Variants in REPS1 observed in about 807,000 individuals in gnomAD.
The protein encoded by REPS1 is RALBP1 associated Eps domain containing 1.
In REPS1, 39 loss-of-function variants were observed where a neutral mutation model predicts 100.9. The ratio of observed to expected loss-of-function variants is 0.39; its 90% CI spans 0.30 to 0.50. The LOEUF (loss-of-function observed/expected upper bound fraction) is 0.50. Among genes scored for constraint, REPS1 ranks in the 20% least tolerant of loss-of-function variants. The pLI, the probability that REPS1 is intolerant of heterozygous loss-of-function variation, is 0.86. For synonymous variants in REPS1, 324 were observed against 340.3 expected (o/e 0.95, Z 0.53); for missense variants, 821 against 968.5 (o/e 0.85, Z 2.02).
intron 1 of REPS1, among the ~76,000 whole-genome samples, chr6:138,979,902 T>C (rs1784838885): frequency 6.6e-6 from 1 of 152,182 alleles, no homozygotes; most frequent in Non-Finnish European, 1.5e-5. Context: ...CTGACATCTC[T>C]AAGCCAAGTA....
chr6:138,909,289 A>C (rs1160729669), intron 17 of REPS1, among the ~76,000 whole-genome samples: 4 of 152,226 alleles, frequency 2.6e-5, no homozygotes, highest in African/African-American at 9.6e-5. Context: ...TATGCACAGT[A>C]ATTATAACTT....
intron 17 of REPS1, among the ~76,000 whole-genome samples, chr6:138,909,583 C>T (rs1335922654): frequency 3.3e-5 from 5 of 152,108 alleles, no homozygotes; most frequent in African/African-American, 4.8e-5. Flanking sequence ...CCCCATGTGT[C>T]AAGCGAGGGG....
At chr6:138,949,126 A>G (rs1055384437) in intron 1 of REPS1, among the ~76,000 whole-genome samples, 3 of 152,232 alleles carry the variant, frequency 2.0e-5, no homozygotes, top group African/African-American at 7.2e-5. Context: ...TTAGAGGTTC[A>G]TTACATATCT....
rs1784562560 is a variant in REPS1, at chr6:138,975,670, T to C, written c.153+11860A>G. Reference sequence around the variant, plus strand: ...CAACATGATGAAACCCCATCTCTACTAAAAAATACAAAAATTAGCTGGGCG... The same window carrying C: ...CAACATGATGAAACCCCATCTCTACCAAAAAATACAAAAATTAGCTGGGCG... On this transcript the variant is annotated intron_variant, in intron 1 of 19. Transcript: ENST00000450536. 2.6e-5 allele frequency among the ~76,000 whole-genome samples: 4 copies of C among 151,840 alleles called. No individual in the cohort carries two copies. In the South Asian group the frequency reaches 8.3e-4, roughly 32 times the overall value.
chr6:138,984,377 C>G (rs1785137418), intron 1 of REPS1, among the ~76,000 whole-genome samples: 1 of 152,120 alleles, frequency 6.6e-6, no homozygotes, highest in African/African-American at 2.4e-5. Flanking sequence ...GCCACTGTGC[C>G]CGGCCCATAT....
intron 19 of REPS1, among the ~76,000 whole-genome samples, chr6:138,906,909 G>C (rs1779689495): frequency 6.6e-6 from 1 of 152,016 alleles, no homozygotes; most frequent in Admixed American, 6.6e-5. Context: ...AGCAATTCTG[G>C]GAGTAATTTT....
chr6:138,925,190 T>TACACACACAC (rs3070143), intron 10 of REPS1, among the ~76,000 whole-genome samples: 6 of 147,986 alleles, frequency 4.1e-5, no homozygotes, highest in African/African-American at 7.6e-5. Context: ...TACTAAAAAA[T>TACACACACAC]ACACACACAC....
chr6:138,966,710 C>T (rs565145047), intron 1 of REPS1, among the ~76,000 whole-genome samples: 3 of 152,094 alleles, frequency 2.0e-5, no homozygotes, highest in African/African-American at 7.2e-5. Flanking sequence ...TCATAAAACA[C>T]GAGTTGTTAA....
intron 8 of REPS1, among the ~76,000 whole-genome samples, chr6:138,931,028 C>A (rs941419828): frequency 2.0e-5 from 3 of 152,200 alleles, no homozygotes; most frequent in South Asian, 2.1e-4. Flanking sequence ...TTCTTCCAAG[C>A]TGGCTTTGAA....
At chr6:138,951,447 T>C (rs1485295997) in intron 1 of REPS1, among the ~76,000 whole-genome samples, 1 of 152,156 alleles carries the variant, frequency 6.6e-6, no homozygotes, top group East Asian at 1.9e-4. Flanking sequence ...GAACCTTCCT[T>C]TGATTCCTGG....
At position 138,945,637 on chromosome 6, in the gene REPS1, G is replaced by T. The variant is rs201191394; in HGVS notation, c.338C>A (p.Ala113Glu). The T allele has an allele frequency of 1.9e-4, 305 of 1,612,980 alleles. No individual in the cohort carries two copies. Among genetic ancestry groups the T allele is most frequent in the Non-Finnish European group, 2.1e-4 (253 of 1,179,632 alleles). Residue 113 changes from alanine (A) to glutamate (E), a missense_variant, in exon 3 of 20, where the codon GCA becomes GAA. This residue lies in a region of REPS1 where 757 missense variants were observed against 866.4 expected (regional missense o/e 0.87). Transcript: ENST00000450536. ...TTCAGAATCTGAAGAATATGAGGCT[G>T]CATGGCGAGATTCCTGTTCATTCTT... is the stretch of plus-strand genomic sequence containing the variant. ...ASKNEQESRH[A>E]ASYSSDSENQ...
rs768819999 is a variant in REPS1 at position 138,943,502 on chromosome 6, A to G, written c.980+11T>C. The G allele has an allele frequency of 3.9e-6, 6 of 1,544,808 alleles. No homozygotes were observed. Among genetic ancestry groups the G allele is most frequent in the Non-Finnish European group, 5.4e-6 (6 of 1,119,690 alleles). ...AACCCAGTTACCCAACTAATGATAT[A>G]CCACACTTACCAAATATGAGAAAGT... On this transcript the variant is annotated intron_variant, in intron 7 of 19. Coordinates refer to ENST00000450536, the MANE Select transcript of REPS1 (RefSeq NM_001286611.2).
chr6:138,970,759 G>A (rs1477490377), intron 1 of REPS1, among the ~76,000 whole-genome samples: 3 of 152,100 alleles, frequency 2.0e-5, no homozygotes, highest in African/African-American at 7.2e-5. Flanking sequence ...CTCCAGCTTG[G>A]GTGACAGAGC....
intron 17 of REPS1, among the ~76,000 whole-genome samples, chr6:138,909,628 C>T (rs1779880239): frequency 1.3e-5 from 2 of 151,874 alleles, no homozygotes; most frequent in Non-Finnish European, 2.9e-5. Flanking sequence ...GGGGGTGGTC[C>T]CCCATGCTGT....
intron 19 of REPS1, among the ~76,000 whole-genome samples, chr6:138,905,353 G>A (rs535462956): frequency 1.5e-3 from 228 of 152,302 alleles, no homozygotes; most frequent in South Asian, 0.012. Context: ...CTGCAATGGC[G>A]CAATCTCGGC....
intron 10 of REPS1, 115 bp downstream of exon 10, chr6:138,926,286 G>T (rs1047920805): frequency 1.5e-6 from 1 of 676,558 alleles, no homozygotes; most frequent in Non-Finnish European, 2.5e-6. Flanking sequence ...AAAGCCTGCC[G>T]CCACTTCCCT....
chr6:138,973,064 T>G (rs6937040), intron 1 of REPS1, among the ~76,000 whole-genome samples: 112,148 of 151,952 alleles, frequency 0.74, 42,721 homozygotes, highest in East Asian at 1. Flanking sequence ...CCCTCAAATT[T>G]TTTGCCACCT....
chr6:138,964,206 T>G (rs1007383696), intron 1 of REPS1, among the ~76,000 whole-genome samples: 2 of 151,920 alleles, frequency 1.3e-5, no homozygotes, highest in African/African-American at 4.8e-5. Flanking sequence ...AGACATTCTC[T>G]TGTTTTTTTT....
intron 1 of REPS1, among the ~76,000 whole-genome samples, chr6:138,954,811 G>A (rs1783270223): frequency 1.3e-5 from 2 of 152,120 alleles, no homozygotes; most frequent in South Asian, 4.1e-4. Flanking sequence ...TACCACATTG[G>A]TAAACTTAAA....
Sources: allele counts gnomAD v4.1 joint callset (sites outside exome capture counted in the v4.1 genomes callset), GRCh38; gene constraint gnomAD v4.1.1; regional missense constraint gnomAD v4.1.1; transcripts MANE v1.5; gene names NCBI Gene and HGNC (gene_info 2026-07-23, HGNC 2026-07-21).